The following MYH1 variants were observed in gnomAD, a reference collection of about 807,000 sequenced individuals.
MYH1 encodes myosin-1.
MYH1 carries 214 observed loss-of-function variants against 225.6 expected under a neutral mutation model. That is an observed-to-expected ratio of 0.95 (90% CI 0.85 to 1.06). MYH1 has a LOEUF of 1.06. Ranked by LOEUF, MYH1 falls within the 50% of genes least tolerant of loss-of-function variation. The probability of loss-of-function intolerance (pLI) is 0.00; values close to 1 mark genes in which losing one functional copy is unlikely to be tolerated. For synonymous variants in MYH1, 774 were observed against 842.3 expected (o/e 0.92, Z 1.40); for missense variants, 2,098 against 2,344.2 (o/e 0.89, Z 2.17).
Position 10,497,127 on chromosome 17 carries a change from AT to A in MYH1, c.4597del (p.Ile1533Ter), listed in dbSNP as rs774338267. On this transcript the variant is annotated frameshift_variant, in exon 33 of 40. Transcript: ENST00000226207. LOFTEE classifies it high-confidence loss of function. ...CTTTTCTTGCTCAACTTGCTTCTTT[AT>A]TTTTTCCAGTTCATGGATGCGCTTT... ...GGKRIHELEK[I>X]KKQVEQEKSE... The A allele has an allele frequency of 2.5e-6, 4 of 1,613,732 alleles. No homozygotes were observed. The Admixed American group carries it at 6.7e-5, about 27-fold the overall frequency.
chr17:10,493,724 A>T (rs1442947465), intron 39 of MYH1, among the ~76,000 whole-genome samples: 2 of 152,142 alleles, frequency 1.3e-5, no homozygotes, highest in Non-Finnish European at 2.9e-5. Context: ...CCACTTGGTT[A>T]CTCAAACCAT....
At position 10,512,061 on chromosome 17, in the gene MYH1, G is replaced by T. The variant is rs767769835; in HGVS notation, c.1266+13C>A. 1.7e-5 allele frequency: 28 copies of T among 1,613,924 alleles called. No homozygotes were observed. The East Asian group carries it at 3.3e-4, about 19-fold the overall frequency. On this transcript the variant is annotated intron_variant, in intron 13 of 39. Transcript: ENST00000226207. ...CCTGGGATGTGTGTGATTCATTGAG[G>T]TCATGCACTTACCTGCTGCACAGTT...
rs1375842391 is a variant in MYH1 at position 10,510,761 on chromosome 17, A to C, written c.1416+1078T>G. Among the ~76,000 whole-genome samples, 7 of 148,720 alleles carry C rather than the reference A, an allele frequency of 4.7e-5. No homozygotes were observed. The Admixed American group carries it at 4.8e-4, about 10-fold the overall frequency. On this transcript the variant is annotated intron_variant, in intron 14 of 39. Coordinates refer to ENST00000226207, the MANE Select transcript of MYH1 (RefSeq NM_005963.4). ...AGAACAGCCAAAACCAGAGACAGAA[A>C]GTAGATTAGGGGTTTCTGTGGCCTA...
intron 29 of MYH1, 52 bp downstream of exon 29, chr17:10,498,922 C>T (rs760332427): frequency 6.9e-5 from 110 of 1,601,690 alleles, no homozygotes; most frequent in South Asian, 8.9e-5. Flanking sequence ...TAAAAGTAAG[C>T]GAAAAACAAA....
Position 10,494,400 on chromosome 17 carries a change from T to C in MYH1, c.5621A>G (p.Lys1874Arg). 7 of 1,614,218 alleles carry C rather than the reference T, an allele frequency of 4.3e-6. No homozygotes were observed. Among genetic ancestry groups the C allele is most frequent in the Non-Finnish European group, 5.9e-6 (7 of 1,180,038 alleles). The change falls in exon 39 of 40, where the codon AAA (lysine) becomes AGA (arginine). Residue 1874 changes from lysine to arginine, a missense_variant. Physicochemically the swap from Lys to Arg is conservative, Grantham distance 26. Coordinates refer to ENST00000226207, the MANE Select transcript of MYH1 (RefSeq NM_005963.4). The stretch of plus-strand genomic sequence containing the variant: ...GTAGGATTTCACCTTTGCTTGCAGT[T>C]TGTCCACCAGGTCCTGGAGCCTGAG... ...NILRLQDLVDKLQAKVKSYKR... is the reference protein window; with the variant it reads ...NILRLQDLVDRLQAKVKSYKR...
chr17:10,494,760 A>G (rs1241003376), intron 37 of MYH1, 87 bp from the exon 38 acceptor site: 5 of 1,587,588 alleles, frequency 3.1e-6, no homozygotes, highest in African/African-American at 2.7e-5. Flanking sequence ...ACTCTGCTTT[A>G]TATGTAGTTT....
chr17:10,505,577 A>G lies in MYH1; in HGVS notation c.2175-66T>C, dbSNP rs2073103537. On this transcript the variant is annotated intron_variant, in intron 19 of 39. Coordinates refer to ENST00000226207, the MANE Select transcript of MYH1 (RefSeq NM_005963.4). ...AGACAAGAAATCTTCCTGTCTGGCTATAGAAACAACATAGCCACTGGGTAA... is the reference window on the plus strand; with the variant it reads ...AGACAAGAAATCTTCCTGTCTGGCTGTAGAAACAACATAGCCACTGGGTAA... The G allele has an allele frequency of 9.5e-6, 15 of 1,577,922 alleles. 1 individual carries two copies. In the South Asian group the frequency reaches 1.6e-4, roughly 17 times the overall value.
chr17:10,515,968 T>C lies in MYH1; in HGVS notation c.463A>G (p.Ile155Val), dbSNP rs1354569192. Residue 155 changes from isoleucine (I) to valine (V), a missense_variant, in exon 5 of 40, where the codon ATC becomes GTC. Coordinates refer to ENST00000226207, the MANE Select transcript of MYH1 (RefSeq NM_005963.4). ...TAGGCATTGTCAGAGATGGAGAAGA[T>C]GTGGGGTGGGGCCTCCTGGCGCTTT... Reference protein sequence around the residue: ...GKKRQEAPPHIFSISDNAYQF... With the variant: ...GKKRQEAPPHVFSISDNAYQF... 2 of 1,614,204 alleles carry C rather than the reference T, an allele frequency of 1.2e-6. No individual in the cohort carries two copies.
Position 10,502,722 on chromosome 17 carries a change from A to C in MYH1, c.3111+16T>G. On this transcript the variant is annotated intron_variant, in intron 24 of 39. Coordinates refer to ENST00000226207, the MANE Select transcript of MYH1 (RefSeq NM_005963.4). ...ACAAAATTTAAAAAATCATTTTTATATAATGTTAGGCTTACATCATCCACT... is the reference window on the plus strand; with the variant it reads ...ACAAAATTTAAAAAATCATTTTTATCTAATGTTAGGCTTACATCATCCACT... The C allele has an allele frequency of 6.2e-7, 1 of 1,614,136 alleles. No individual in the cohort carries two copies. Among genetic ancestry groups the C allele is most frequent in the South Asian group, 1.1e-5 (1 of 91,036 alleles).
intron 2 of MYH1, among the ~76,000 whole-genome samples, chr17:10,517,710 ATATG>A (rs2073242741): frequency 6.6e-6 from 1 of 151,864 alleles, no homozygotes. Context: ...GTATATATAC[ATATG>A]TGTGTGTGTG....
chr17:10,516,000 C>A lies in MYH1; in HGVS notation c.431G>T (p.Arg144Leu), dbSNP rs753684645. The A allele has an allele frequency of 1.2e-6, 2 of 1,613,986 alleles. No individual in the cohort carries two copies. Among genetic ancestry groups the A allele is most frequent in the Non-Finnish European group, 1.7e-6 (2 of 1,180,024 alleles). The change falls in exon 5 of 40, where the codon CGA becomes CTA. Residue 144 changes from arginine (R) to leucine (L), a missense_variant. Physicochemically the swap from Arg to Leu is moderately radical, Grantham distance 102. Transcript: ENST00000226207. ...VYNAEVVTAYRGKKRQEAPPH... is the reference protein window; with the variant it reads ...VYNAEVVTAYLGKKRQEAPPH... ...TGGGGCCTCCTGGCGCTTTTTGCCT[C>A]GGTAGGCTGTCACCACCTCTGCATT...
intron 16 of MYH1, 24 bp from the exon 17 acceptor site, chr17:10,507,980 A>G (rs902101958): frequency 1.9e-6 from 3 of 1,579,050 alleles, no homozygotes; most frequent in Admixed American, 1.7e-5. Flanking sequence ...GAAAGCAATC[A>G]TAGGACAGCC....
chr17:10,497,007 T>G, intron 33 of MYH1, 62 bp downstream of exon 33: 1 of 1,565,490 alleles, frequency 6.4e-7, no homozygotes, highest in South Asian at 1.2e-5. Flanking sequence ...TCACCATTCC[T>G]TACATTTAAT....
chr17:10,500,412 G>A (rs2073039461), intron 28 of MYH1, among the ~76,000 whole-genome samples: 1 of 149,466 alleles, frequency 6.7e-6, no homozygotes, highest in Admixed American at 6.7e-5. Flanking sequence ...ATATATATAT[G>A]GATATATATG....
rs566736403 is a variant in MYH1 at position 10,503,364 on chromosome 17, A to G, written c.2692-116T>C. The G allele has an allele frequency of 4.3e-6, 6 of 1,404,450 alleles. No individual in the cohort carries two copies. The Admixed American group carries it at 9.8e-5, about 23-fold the overall frequency. 87.0% of individuals were successfully genotyped at this position (1,404,450 alleles called of 1,614,324 possible). On this transcript the variant is annotated intron_variant, in intron 22 of 39. Coordinates refer to ENST00000226207, the MANE Select transcript of MYH1 (RefSeq NM_005963.4). Reference sequence around the variant, plus strand: ...GTTTTAAGCCTTCAGGTTAATTTTTATTAGCTTTCTACCATTCAGTAAATA... The same window carrying G: ...GTTTTAAGCCTTCAGGTTAATTTTTGTTAGCTTTCTACCATTCAGTAAATA...
chr17:10,497,705 A>C (rs73974723), intron 31 of MYH1, 29 bp downstream of exon 31: 6 of 1,612,122 alleles, frequency 3.7e-6, no homozygotes, highest in South Asian at 1.1e-5. Context: ...TTCTGTGTTG[A>C]AAGTTGAAGC....
chr17:10,506,871 A>G (rs1282039941), intron 17 of MYH1, among the ~76,000 whole-genome samples: 1 of 152,146 alleles, frequency 6.6e-6, no homozygotes, highest in African/African-American at 2.4e-5. Context: ...ATAGATATAG[A>G]GCTGTGTCCT....
At chr17:10,515,051 T>C (rs189552636) in intron 5 of MYH1, among the ~76,000 whole-genome samples, 156 bp from the exon 6 acceptor site, 21 of 152,294 alleles carry the variant, frequency 1.4e-4, no homozygotes, top group African/African-American at 4.8e-4. Flanking sequence ...TGGTTTAATA[T>C]AAAGAGCAGT....
At chr17:10,499,777 T>G (rs1485904133) in intron 28 of MYH1, among the ~76,000 whole-genome samples, 1 of 152,228 alleles carries the variant, frequency 6.6e-6, no homozygotes, top group Non-Finnish European at 1.5e-5. Flanking sequence ...ATAAGAATTA[T>G]AATAAATATT....
Sources: gnomAD v4.1 joint callset for allele counts (sites outside exome capture counted in the v4.1 genomes callset) on GRCh38, gnomAD v4.1.1 for gene constraint, MANE v1.5 for transcripts, NCBI Gene and HGNC (gene_info 2026-07-23, HGNC 2026-07-21) for gene names.